The following KAT14 variants were observed in gnomAD, a reference collection of about 807,000 sequenced individuals.
The protein encoded by KAT14 is cysteine-rich protein 2-binding protein.
A neutral mutation model predicts 78.4 loss-of-function variants in KAT14; 66 were observed. That is an observed-to-expected ratio of 0.84 (90% CI 0.69 to 1.03). KAT14 has a LOEUF of 1.03. Among genes scored for constraint, KAT14 ranks in the 50% least tolerant of loss-of-function variants. The pLI, the probability that KAT14 is intolerant of heterozygous loss-of-function variation, is 0.00. For synonymous variants in KAT14, 344 were observed against 359.4 expected (o/e 0.96, Z 0.48); for missense variants, 870 against 972.5 (o/e 0.89, Z 1.40).
At chr20:18,151,037 T>A in intron 4 of KAT14, 95 bp downstream of exon 4, 1 of 1,489,350 alleles carries the variant, frequency 6.7e-7, no homozygotes, top group South Asian at 1.3e-5. Flanking sequence ...TGTTAGAGAT[T>A]TATTTTAATT....
chr20:18,158,407 G>A (rs1456983066), intron 4 of KAT14, among the ~76,000 whole-genome samples: 2 of 152,180 alleles, frequency 1.3e-5, no homozygotes, highest in African/African-American at 2.4e-5. Context: ...TAGGATTTCC[G>A]GGGATTGATG....
chr20:18,141,692 T>C (rs1385095897), intron 1 of KAT14, among the ~76,000 whole-genome samples: 2 of 152,170 alleles, frequency 1.3e-5, no homozygotes, highest in Admixed American at 1.3e-4. Context: ...GAGACCAGCT[T>C]GGCTGACGTG....
intron 7 of KAT14, among the ~76,000 whole-genome samples, chr20:18,181,367 T>TG (rs1006341093): frequency 1.4e-5 from 2 of 139,334 alleles, no homozygotes; most frequent in Non-Finnish European, 3.1e-5. Context: ...TTTGTTTCTT[T>TG]TTTTTTTTTT....
chr20:18,145,095 C>T (rs570706224), intron 2 of KAT14, 138 bp from the exon 3 acceptor site: 5 of 1,417,634 alleles, frequency 3.5e-6, no homozygotes, highest in African/African-American at 1.5e-5. Flanking sequence ...CCTTCCTTTT[C>T]CCCATTTTGC....
Position 18,142,726 on chromosome 20 carries a change from G to A in KAT14, c.66G>A (p.Ser22=), listed in dbSNP as rs1269858879. Residue 22 remains serine (S), a synonymous_variant, in exon 2 of 11, where the codon TCG becomes TCA. Coordinates refer to ENST00000688188, the MANE Select transcript of KAT14 (RefSeq NM_001392073.1). ...ATGATGACGAAGCCACGAGAACATC[G>A]ACCTCAGAAGGACTGGAGGAAGGTG... ...SRHDDEATRT[S]TSEGLEEGEV... 4 of 1,614,034 alleles carry A rather than the reference G, an allele frequency of 2.5e-6. No individual in the cohort carries two copies. The highest frequency in any genetic ancestry group is 2.7e-5 in the African/African-American group (2 of 74,898).
chr20:18,147,032 C>T (rs2037854161), intron 3 of KAT14, among the ~76,000 whole-genome samples: 1 of 152,046 alleles, frequency 6.6e-6, no homozygotes. Context: ...AACAGATCAA[C>T]AAGATAATTA....
At position 18,137,996 on chromosome 20, in the gene KAT14, T is replaced by C. The variant is rs887101414; in HGVS notation, c.-509T>C. On this transcript the variant is annotated 5_prime_UTR_variant, in exon 1 of 11. Transcript: ENST00000688188. Reference sequence around the variant, plus strand: ...AAGGTGGTGCTGGGCCTCTCGGTGCTGCTGACGGCGGCCACAGTGGCCGGC... The same window carrying C: ...AAGGTGGTGCTGGGCCTCTCGGTGCCGCTGACGGCGGCCACAGTGGCCGGC... 38 of 1,506,766 alleles carry C rather than the reference T, an allele frequency of 2.5e-5. No individual in the cohort carries two copies. The Admixed American group carries it at 5.3e-4, about 21-fold the overall frequency. The allele number at this position is 1,506,766 out of a possible 1,614,324, so 93.3% of individuals were successfully genotyped here. A position where few individuals can be genotyped will look rare whatever the true frequency, so the allele number is the denominator to read the frequency against.
At chr20:18,186,959 G>A (rs953812274) in intron 10 of KAT14, among the ~76,000 whole-genome samples, 1 of 152,138 alleles carries the variant, frequency 6.6e-6, no homozygotes, top group Non-Finnish European at 1.5e-5. Flanking sequence ...CATAGTGTTA[G>A]GTATTGAAAT....
rs2037786276 is a variant in KAT14 at position 18,145,330 on chromosome 20, G to A, written c.357G>A (p.Arg119=). 2 of 1,614,180 alleles carry A rather than the reference G, an allele frequency of 1.2e-6. No individual in the cohort carries two copies. The highest frequency in any genetic ancestry group is 1.7e-6 in the Non-Finnish European group (2 of 1,180,028). The change falls in exon 3 of 11, where the codon AGG becomes AGA. Residue 119 remains arginine (R), a synonymous_variant. Transcript: ENST00000688188. The part of the protein sequence containing the change: ...CSADGKEQYE[R]LKLTWQQVVM... ...CAGATGGCAAGGAGCAGTATGAAAG[G>A]CTGAAGCTGACATGGCAGCAAGTGA... is the stretch of plus-strand genomic sequence containing the variant.
chr20:18,187,528 G>A lies in KAT14; in HGVS notation c.*69G>A. The A allele has an allele frequency of 1.9e-6, 3 of 1,594,244 alleles. No individual in the cohort carries two copies. The highest frequency in any genetic ancestry group is 1.2e-5 in the South Asian group (1 of 86,892). The stretch of plus-strand genomic sequence containing the variant: ...AGGTCTTTGTGGAGATCTAAAGGCA[G>A]TGATTGATTTCACAGGGAGCTCTAA... On this transcript the variant is annotated 3_prime_UTR_variant, in exon 11 of 11. Coordinates refer to ENST00000688188, the MANE Select transcript of KAT14 (RefSeq NM_001392073.1).
intron 4 of KAT14, among the ~76,000 whole-genome samples, chr20:18,153,841 A>G (rs1255208798): frequency 2.6e-5 from 4 of 152,260 alleles, no homozygotes; most frequent in Non-Finnish European, 5.9e-5. Context: ...TGGGAAACCT[A>G]TATAAATTGT....
At chr20:18,145,165 C>G in intron 2 of KAT14, 68 bp from the exon 3 acceptor site, 17 of 1,532,796 alleles carry the variant, frequency 1.1e-5, no homozygotes, top group Non-Finnish European at 1.5e-5. Context: ...GGGTGATAAA[C>G]GGATTAAACC....
Position 18,183,190 on chromosome 20 carries a change from A to G in KAT14, c.1873A>G (p.Ser625Gly), listed in dbSNP as rs989613517. 2 of 1,613,942 alleles carry G rather than the reference A, an allele frequency of 1.2e-6. No homozygotes were observed. Among genetic ancestry groups the G allele is most frequent in the Non-Finnish European group, 1.7e-6 (2 of 1,180,032 alleles). ...LSQIRSHLHR[S>G]DPHWTPEPDA... is the part of the protein sequence containing the mutation. ...ACAGATTCGTTCCCACCTGCACAGG[A>G]GCGACCCTCACTGGACGCCGGAGCC... Residue 625 changes from serine to glycine, a missense_variant, in exon 9 of 11, where the codon AGC becomes GGC. Coordinates refer to ENST00000688188, the MANE Select transcript of KAT14 (RefSeq NM_001392073.1).
intron 4 of KAT14, among the ~76,000 whole-genome samples, chr20:18,155,818 A>G (rs2038206275): frequency 6.6e-6 from 1 of 152,192 alleles, no homozygotes; most frequent in Admixed American, 6.5e-5. Context: ...ATCGTTGTGG[A>G]AAATGGTGTG....
Position 18,187,511 on chromosome 20 carries a change from GTGGAGA to G in KAT14, c.*54_*59del, listed in dbSNP as rs2039487904. The G allele has an allele frequency of 6.2e-7, 1 of 1,607,712 alleles. No homozygotes were observed. The highest frequency in any genetic ancestry group is 8.5e-7 in the Non-Finnish European group (1 of 1,178,320). On this transcript the variant is annotated 3_prime_UTR_variant, in exon 11 of 11. Coordinates refer to ENST00000688188, the MANE Select transcript of KAT14 (RefSeq NM_001392073.1). The stretch of plus-strand genomic sequence containing the variant: ...ATGTGCTATTGGAGAACAGGTCTTT[GTGGAGA>G]TCTAAAGGCAGTGATTGATTTCACA...
chr20:18,177,978 C>A (rs1266467972), intron 7 of KAT14, among the ~76,000 whole-genome samples: 1 of 152,064 alleles, frequency 6.6e-6, no homozygotes, highest in Non-Finnish European at 1.5e-5. Context: ...GATAAGACCT[C>A]TCTGCTACTG....
In KAT14 at chr20:18,138,038, A is replaced by G. The variant is rs1221352255; in HGVS notation, c.-467A>G. 6.7e-7 allele frequency: 1 copy of G among 1,490,576 alleles called. No homozygotes were observed. Among genetic ancestry groups the G allele is most frequent in the Non-Finnish European group, 8.9e-7 (1 of 1,126,694 alleles). The allele number at this position is 1,490,576 out of a possible 1,614,324, so 92.3% of individuals were successfully genotyped here. ...GTGGCCGGCGTACATGTGAAGCAGC[A>G]GTGGGACCAGCAGGTCGGTGTCACG... On this transcript the variant is annotated 5_prime_UTR_variant, in exon 1 of 11. Coordinates refer to ENST00000688188, the MANE Select transcript of KAT14 (RefSeq NM_001392073.1).
chr20:18,162,792 A>G lies in KAT14; in HGVS notation c.1515A>G (p.Leu505=). The change falls in exon 7 of 11, where the codon TTA becomes TTG. Residue 505 remains leucine (L), a synonymous_variant. Transcript: ENST00000688188. ...GACAAGCGAAAAGGGATAGGGGATT[A>G]CCACTTTTTGACTTGGATCAAGTTG... ...IVRQAKRDRG[L]PLFDLDQVVN... 1 of 1,614,226 alleles carries G rather than the reference A, an allele frequency of 6.2e-7. No individual in the cohort carries two copies. The highest frequency in any genetic ancestry group is 8.5e-7 in the Non-Finnish European group (1 of 1,180,040).
At chr20:18,169,370 GT>G (rs1189968148) in intron 7 of KAT14, among the ~76,000 whole-genome samples, 1 of 152,104 alleles carries the variant, frequency 6.6e-6, no homozygotes, top group Admixed American at 6.6e-5. Context: ...CATTTTTCTA[GT>G]AGTGTGTGCT....
Sources: allele counts gnomAD v4.1 joint callset (sites outside exome capture counted in the v4.1 genomes callset), GRCh38; gene constraint gnomAD v4.1.1; transcripts MANE v1.5; gene names NCBI Gene and HGNC (gene_info 2026-07-23, HGNC 2026-07-21).